Variants in SLC7A6 observed in about 807,000 individuals in gnomAD.
The protein encoded by SLC7A6 is solute carrier family 7 member 6, also known as Y+L amino acid transporter 2.
A neutral mutation model predicts 46.6 loss-of-function variants in SLC7A6; 29 were observed. The ratio of observed to expected loss-of-function variants is 0.62; its 90% CI spans 0.46 to 0.85. The LOEUF is 0.85. Ranked by LOEUF, SLC7A6 falls within the 40% of genes least tolerant of loss-of-function variation. SLC7A6 has a pLI of 0.00. For synonymous variants in SLC7A6, 276 were observed against 257.3 expected, an observed-to-expected ratio of 1.07 and a Z score of -0.70; for missense variants, 527 against 647.6, an observed-to-expected ratio of 0.81 and a Z score of 2.02.
Position 68,275,142 on chromosome 16 carries a change from G to A in SLC7A6, c.416G>A (p.Gly139Asp). The change falls in exon 3 of 11, where the codon GGT becomes GAT. Residue 139 changes from glycine (G) to aspartate (D), a missense_variant. Transcript: ENST00000219343. Reference protein sequence around the residue: ...WVSLLVVEPTGQAIIAITFAN... With the variant: ...WVSLLVVEPTDQAIIAITFAN... Reference sequence around the variant, plus strand: ...TCACTGCTAGTTGTTGAGCCCACCGGTCAGGCCATCATCGCCATCACCTTT... The same window carrying A: ...TCACTGCTAGTTGTTGAGCCCACCGATCAGGCCATCATCGCCATCACCTTT... The A allele has an allele frequency of 6.2e-7, 1 of 1,614,112 alleles. No homozygotes were observed. Among genetic ancestry groups the A allele is most frequent in the South Asian group, 1.1e-5 (1 of 91,078 alleles).
At chr16:68,278,153 C>T (rs183494083) in intron 3 of SLC7A6, among the ~76,000 whole-genome samples, 1 of 151,752 alleles carries the variant, frequency 6.6e-6, no homozygotes, top group East Asian at 1.9e-4. Context: ...GACGGGGTTT[C>T]ACCATGTTGG....
Position 68,264,897 on chromosome 16 carries a change from G to T in SLC7A6, c.-166+321G>T, listed in dbSNP as rs1052825130. Among the ~76,000 whole-genome samples the T allele has an allele frequency of 6.6e-6, 1 of 152,152 alleles. No individual in the cohort carries two copies. Among genetic ancestry groups the T allele is most frequent in the Non-Finnish European group, 1.5e-5 (1 of 68,010 alleles). On this transcript the variant is annotated intron_variant, in intron 1 of 10. Coordinates refer to ENST00000219343, the MANE Select transcript of SLC7A6 (RefSeq NM_003983.6). This position sits in a 1 kb window ranked among gnomAD's most constrained non-coding sequence, Gnocchi z 5.8. ...ACGCGGCGAGTGTGAGGGAGACCGG[G>T]GGTGTGTGTGGAGAGGGAAACCCCA...
At position 68,280,209 on chromosome 16, in the gene SLC7A6, A is replaced by G. The variant is rs185970847; in HGVS notation, c.523+4960A>G. On this transcript the variant is annotated intron_variant, in intron 3 of 10. Transcript: ENST00000219343. ...GAAAGGTCTGCACTGAATCTAGGGT[A>G]AGACTTCGGTAGGATAGGAGAATTA... Among the ~76,000 whole-genome samples the G allele has an allele frequency of 5.3e-5, 8 of 152,366 alleles. No individual in the cohort carries two copies. In the East Asian group the frequency reaches 1.2e-3, roughly 22 times the overall value.
At position 68,264,965 on chromosome 16, in the gene SLC7A6, C is replaced by T. The variant is rs2042503811; in HGVS notation, c.-166+389C>T. The stretch of plus-strand genomic sequence containing the variant: ...GACGCTGAGTGCGCGGGCCGCGCCG[C>T]GAGCGTGAGACTGTGCGACGGTGAC... On this transcript the variant is annotated intron_variant, in intron 1 of 10. Coordinates refer to ENST00000219343, the MANE Select transcript of SLC7A6 (RefSeq NM_003983.6). The surrounding 1 kb of genome is among the most constrained non-coding windows in gnomAD (Gnocchi z 5.8). 6.6e-6 allele frequency among the ~76,000 whole-genome samples: 1 copy of T among 151,986 alleles called. No individual in the cohort carries two copies. The highest frequency in any genetic ancestry group is 2.1e-4 in the South Asian group (1 of 4,824).
rs1189220005 is a variant in SLC7A6 at position 68,267,206 on chromosome 16, A to ATTT, written c.-37+508_-37+510dup. Among the ~76,000 whole-genome samples the ATTT allele has an allele frequency of 1.6e-3, 139 of 87,668 alleles. 4 individuals carry two copies. The highest frequency in any genetic ancestry group is 4.0e-3 in the African/African-American group (88 of 21,914). The allele number at this position is 87,668 out of a possible 152,430, so 57.5% of individuals were successfully genotyped here. On this transcript the variant is annotated intron_variant, in intron 2 of 10. Coordinates refer to ENST00000219343, the MANE Select transcript of SLC7A6 (RefSeq NM_003983.6). The stretch of plus-strand genomic sequence containing the variant: ...CGTCTCAGCCTCCCAATTGTGGTGG[A>ATTT]TTTTTTTTTTTTTTTTTTTTTTTTT...
At chr16:68,291,130 A>C in intron 5 of SLC7A6, 79 bp from the exon 6 acceptor site, 1 of 1,585,782 alleles carries the variant, frequency 6.3e-7, no homozygotes, top group East Asian at 2.2e-5. Flanking sequence ...ATGTTAGGAA[A>C]ATCCCAGTGG....
chr16:68,266,128 T>C (rs915271987), intron 1 of SLC7A6, among the ~76,000 whole-genome samples: 3 of 151,884 alleles, frequency 2.0e-5, no homozygotes, highest in Non-Finnish European at 4.4e-5. Flanking sequence ...GGTGTGGTGG[T>C]GGGCACCTGT....
intron 3 of SLC7A6, chr16:68,284,684 T>C: frequency 1.0e-6 from 1 of 983,638 alleles, no homozygotes; most frequent in Non-Finnish European, 1.2e-6. Flanking sequence ...TCAGCTTCTC[T>C]TCCCCTTGGA....
rs866758523 is a variant in SLC7A6, at chr16:68,289,143, A to G, written c.650-1253A>G. Among the ~76,000 whole-genome samples, 8 of 151,468 alleles carry G rather than the reference A, an allele frequency of 5.3e-5. No individual in the cohort carries two copies. In the South Asian group the frequency reaches 1.7e-3, roughly 32 times the overall value. The stretch of plus-strand genomic sequence containing the variant: ...CCTGTCTCTACTAAAAATACAAAAA[A>G]TTAGCCGGGGGTGGTGGTGGGTGCC... On this transcript the variant is annotated intron_variant, in intron 4 of 10. Transcript: ENST00000219343.
rs980645364 is a variant in SLC7A6, at chr16:68,299,782, CTGTTA to C, written c.*2456_*2460del. ...TAATATTAGACATACAAGTTGCTGCCTGTTATAACGGTGAATTATACCTTTGTGCA... is the reference window on the plus strand; with the variant it reads ...TAATATTAGACATACAAGTTGCTGCCTAACGGTGAATTATACCTTTGTGCA... On this transcript the variant is annotated 3_prime_UTR_variant, in exon 11 of 11. Coordinates refer to ENST00000219343, the MANE Select transcript of SLC7A6 (RefSeq NM_003983.6). 8 of 152,204 alleles carry C rather than the reference CTGTTA, an allele frequency of 5.3e-5. No individual in the cohort carries two copies. Among genetic ancestry groups the C allele is most frequent in the African/African-American group, 1.7e-4 (7 of 41,440 alleles). 9.4% of individuals were successfully genotyped at this position (152,204 alleles called of 1,614,324 possible).
intron 3 of SLC7A6, among the ~76,000 whole-genome samples, chr16:68,278,637 A>T (rs1173030865): frequency 1.3e-5 from 2 of 151,846 alleles, no homozygotes; most frequent in African/African-American, 4.9e-5. Context: ...GGGTAAGGTC[A>T]TAGATCAACA....
In SLC7A6 at chr16:68,287,846, C is replaced by A. The variant is rs201577885; in HGVS notation, c.624C>A (p.Val208=). The A allele has an allele frequency of 1.2e-4, 190 of 1,614,042 alleles. No individual in the cohort carries two copies. The highest frequency in any genetic ancestry group is 1.5e-4 in the Non-Finnish European group (182 of 1,180,026). The change falls in exon 4 of 11, where the codon GTC becomes GTA. Residue 208 remains valine, a synonymous_variant. Transcript: ENST00000219343. ...AKVVALIAII[V]MGLVKLCQGH... is the part of the protein sequence containing the mutation. ...TCGTAGCGCTCATTGCCATCATTGT[C>A]ATGGGCCTTGTTAAACTGTGCCAGG...
intron 3 of SLC7A6, among the ~76,000 whole-genome samples, chr16:68,275,790 C>T (rs1436593808): frequency 6.6e-6 from 1 of 151,870 alleles, no homozygotes; most frequent in East Asian, 1.9e-4. Context: ...TATTCCTCCT[C>T]TCTTGGCTGC....
chr16:68,291,322 C>A lies in SLC7A6; in HGVS notation c.908C>A (p.Ala303Asp). ...LNISDVLSSDAVAVTFADQTF... is the reference protein window; with the variant it reads ...LNISDVLSSDDVAVTFADQTF... ...ATTTCAGATGTCCTTAGCAGTGATGCTGTGGCTGTGGTGAGTCTCTTGGGA... is the reference window on the plus strand; with the variant it reads ...ATTTCAGATGTCCTTAGCAGTGATGATGTGGCTGTGGTGAGTCTCTTGGGA... The change falls in exon 6 of 11, where the codon GCT (alanine) becomes GAT (aspartate). Residue 303 changes from alanine (A) to aspartate (D), a missense_variant. Coordinates refer to ENST00000219343, the MANE Select transcript of SLC7A6 (RefSeq NM_003983.6). The A allele has an allele frequency of 6.2e-7, 1 of 1,614,108 alleles. No individual in the cohort carries two copies. The highest frequency in any genetic ancestry group is 8.5e-7 in the Non-Finnish European group (1 of 1,179,956).
intron 2 of SLC7A6, among the ~76,000 whole-genome samples, chr16:68,267,504 C>T (rs113334984): frequency 3.3e-5 from 5 of 152,086 alleles, no homozygotes; most frequent in African/African-American, 7.2e-5. Context: ...TGTGAGACAC[C>T]GCGCCTGGCC....
At chr16:68,287,296 C>A in intron 3 of SLC7A6, 2 of 1,285,802 alleles carry the variant, frequency 1.6e-6, no homozygotes, top group South Asian at 1.2e-5. Flanking sequence ...ACACTTAATG[C>A]AAAACACTGT....
intron 8 of SLC7A6, 49 bp downstream of exon 8, chr16:68,294,850 CTTCT>C (rs752490906): frequency 7.7e-7 from 1 of 1,300,052 alleles, no homozygotes; most frequent in South Asian, 1.2e-5. Flanking sequence ...TGCATTGCTC[CTTCT>C]GATTTGTGCT....
intron 2 of SLC7A6, among the ~76,000 whole-genome samples, chr16:68,267,091 T>G (rs912588209): frequency 2.6e-5 from 4 of 151,858 alleles, no homozygotes; most frequent in African/African-American, 9.7e-5. Flanking sequence ...CCCGCCACCA[T>G]GCCCAGCTAA....
Position 68,300,903 on chromosome 16 carries a change from CAGA to C in SLC7A6, c.*3578_*3580del, listed in dbSNP as rs1255130058. The C allele has an allele frequency of 1.1e-5, 11 of 995,380 alleles. No individual in the cohort carries two copies. Among genetic ancestry groups the C allele is most frequent in the Non-Finnish European group, 1.3e-5 (11 of 836,440 alleles). 61.7% of individuals were successfully genotyped at this position (995,380 alleles called of 1,614,324 possible). A position where few individuals can be genotyped will look rare whatever the true frequency, so the allele number is the denominator to read the frequency against. On this transcript the variant is annotated 3_prime_UTR_variant, in exon 11 of 11. Coordinates refer to ENST00000219343, the MANE Select transcript of SLC7A6 (RefSeq NM_003983.6). Reference sequence around the variant, plus strand: ...CAGGCAGCCTGGTGGTATGGCACAGCAGAAGCTTACTGCTAATGAAATGGGAAC... The same window carrying C: ...CAGGCAGCCTGGTGGTATGGCACAGCAGCTTACTGCTAATGAAATGGGAAC...
Sources: allele counts gnomAD v4.1 joint callset (sites outside exome capture counted in the v4.1 genomes callset), GRCh38; gene constraint gnomAD v4.1.1; non-coding constraint Gnocchi (gnomAD v3.1); transcripts MANE v1.5; gene names NCBI Gene and HGNC (gene_info 2026-07-23, HGNC 2026-07-21).